Variants in PIK3CB observed in about 807,000 individuals in gnomAD.
PIK3CB encodes the protein phosphatidylinositol 4,5-bisphosphate 3-kinase catalytic subunit beta isoform.
In PIK3CB, 39 loss-of-function variants were observed where a neutral mutation model predicts 136.8. That is an observed-to-expected ratio of 0.29 (90% CI 0.22 to 0.37). The LOEUF is 0.37. PIK3CB is among the 10% of genes least tolerant of loss of function. The probability of loss-of-function intolerance (pLI) is 1.00; values close to 1 mark genes in which losing one functional copy is unlikely to be tolerated. For synonymous variants in PIK3CB, 428 were observed against 436.6 expected (o/e 0.98, Z 0.25); for missense variants, 868 against 1,275.4 (o/e 0.68, Z 4.87).
At chr3:138,810,521 T>A (rs965414374) in intron 1 of PIK3CB, among the ~76,000 whole-genome samples, 1 of 151,414 alleles carries the variant, frequency 6.6e-6, no homozygotes, top group African/African-American at 2.4e-5. Flanking sequence ...AACCCGTAAT[T>A]CCAGTCTAAT....
chr3:138,713,345 A>C (rs2044543210), intron 9 of PIK3CB, among the ~76,000 whole-genome samples: 1 of 151,484 alleles, frequency 6.6e-6, no homozygotes, highest in Admixed American at 6.6e-5. Context: ...ATATGATGAT[A>C]ACCAGAGGAG....
chr3:138,680,951 G>A (rs1265309246), intron 19 of PIK3CB, among the ~76,000 whole-genome samples: 1 of 151,886 alleles, frequency 6.6e-6, no homozygotes, highest in Non-Finnish European at 1.5e-5. Context: ...GCCTCCCAAA[G>A]GGCTAGGATT....
chr3:138,669,815 T>C (rs940461019), intron 19 of PIK3CB, among the ~76,000 whole-genome samples: 1 of 152,170 alleles, frequency 6.6e-6, no homozygotes, highest in Non-Finnish European at 1.5e-5. Flanking sequence ...AGATTTGGGA[T>C]TGACCTTAAA....
intron 1 of PIK3CB, among the ~76,000 whole-genome samples, chr3:138,831,607 A>G (rs142352815): frequency 1.3e-5 from 2 of 150,178 alleles, no homozygotes; most frequent in African/African-American, 4.9e-5. Flanking sequence ...ATAAATAAAA[A>G]CAAAATAAAA....
At chr3:138,664,589 C>T (rs960538737) in intron 20 of PIK3CB, among the ~76,000 whole-genome samples, 1 of 152,102 alleles carries the variant, frequency 6.6e-6, no homozygotes, top group Non-Finnish European at 1.5e-5. Context: ...AGACCATTTC[C>T]CCCTCACACT....
At chr3:138,831,152 T>C (rs1296554399) in intron 1 of PIK3CB, among the ~76,000 whole-genome samples, 5 of 147,688 alleles carry the variant, frequency 3.4e-5, no homozygotes, top group Non-Finnish European at 7.5e-5. Context: ...CCAGGCGTGG[T>C]GGCGGGCACC....
At chr3:138,672,779 G>A (rs2043560457) in intron 19 of PIK3CB, among the ~76,000 whole-genome samples, 1 of 152,058 alleles carries the variant, frequency 6.6e-6, no homozygotes, top group South Asian at 2.1e-4. Context: ...GGGCGTGGTG[G>A]TGGGTTCCTG....
In PIK3CB at chr3:138,721,782, C is replaced by A. The variant is rs558456860; in HGVS notation, c.1051-7063G>T. ...CTGTCAATATTGTATTTTATGTCTACCTAGTGAAAGACATTATAAGAGAGA... is the reference window on the plus strand; with the variant it reads ...CTGTCAATATTGTATTTTATGTCTAACTAGTGAAAGACATTATAAGAGAGA... On this transcript the variant is annotated intron_variant, in intron 8 of 23. Transcript: ENST00000674063. Among the ~76,000 whole-genome samples the A allele has an allele frequency of 2.6e-5, 4 of 152,162 alleles. No individual in the cohort carries two copies. The East Asian group carries it at 7.7e-4, about 29-fold the overall frequency.
At chr3:138,693,962 TATATTA>T (rs1368151234) in intron 14 of PIK3CB, among the ~76,000 whole-genome samples, 910 of 35,148 alleles carry the variant, frequency 0.026, 18 homozygotes, top group African/African-American at 0.14. Flanking sequence ...TATATATATA[TATATTA>T]TATATATATA....
intron 1 of PIK3CB, among the ~76,000 whole-genome samples, chr3:138,829,451 G>A (rs1363208780): frequency 6.6e-6 from 1 of 152,042 alleles, no homozygotes. Flanking sequence ...CTGGGGTAGT[G>A]GAAATGAAAA....
intron 21 of PIK3CB, among the ~76,000 whole-genome samples, chr3:138,658,054 G>C (rs973352135): frequency 6.6e-6 from 1 of 152,066 alleles, no homozygotes; most frequent in Non-Finnish European, 1.5e-5. Context: ...TTAAACTGTA[G>C]ATATCTAGTG....
Position 138,663,930 on chromosome 3 carries a change from G to A in PIK3CB, c.2772C>T (p.Asn924=). The change falls in exon 21 of 24, where the codon AAC becomes AAT. Residue 924 remains asparagine (N), a synonymous_variant. Coordinates refer to ENST00000674063, the MANE Select transcript of PIK3CB (RefSeq NM_006219.3). Reference sequence around the variant, plus strand: ...CCTGGCCAGTTTTTTTGACCATGATGTTGTCACTATGTCTGTCACCAATCC... The same window carrying A: ...CCTGGCCAGTTTTTTTGACCATGATATTGTCACTATGTCTGTCACCAATCC... The part of the protein sequence containing the change: ...VLGIGDRHSD[N]IMVKKTGQLF... 2 of 1,613,970 alleles carry A rather than the reference G, an allele frequency of 1.2e-6. No individual in the cohort carries two copies. Among genetic ancestry groups the A allele is most frequent in the Non-Finnish European group, 1.7e-6 (2 of 1,179,956 alleles).
intron 2 of PIK3CB, among the ~76,000 whole-genome samples, chr3:138,767,898 G>T (rs2045754570): frequency 1.3e-5 from 2 of 152,220 alleles, no homozygotes; most frequent in Non-Finnish European, 2.9e-5. Context: ...TCCCCAAAGG[G>T]CTACAGCTCT....
chr3:138,679,487 T>A (rs2043718365), intron 19 of PIK3CB, among the ~76,000 whole-genome samples: 2 of 152,086 alleles, frequency 1.3e-5, no homozygotes, highest in Admixed American at 6.6e-5. Context: ...CAGGAGTCAA[T>A]AAGATAAAAA....
intron 5 of PIK3CB, among the ~76,000 whole-genome samples, chr3:138,739,542 T>A (rs943259045): frequency 6.6e-6 from 1 of 151,082 alleles, no homozygotes; most frequent in Non-Finnish European, 1.5e-5. Flanking sequence ...CAGGTACGTA[T>A]GGACCAGGAA....
intron 4 of PIK3CB, among the ~76,000 whole-genome samples, chr3:138,753,356 A>G (rs1235617057): frequency 6.6e-6 from 1 of 151,988 alleles, no homozygotes; most frequent in Non-Finnish European, 1.5e-5. Context: ...CCCTGTCTCT[A>G]ATAAAAATAC....
chr3:138,792,953 T>C (rs1178502628), intron 2 of PIK3CB, among the ~76,000 whole-genome samples: 1 of 152,134 alleles, frequency 6.6e-6, no homozygotes, highest in Non-Finnish European at 1.5e-5. Context: ...AAGTGTAGGA[T>C]TTCTTATCTT....
chr3:138,707,113 C>T (rs543677437), intron 11 of PIK3CB, 46 bp downstream of exon 11: 1 of 1,102,542 alleles, frequency 9.1e-7, no homozygotes. Context: ...AGGAACTGAT[C>T]ATTCAATCAT....
At position 138,673,447 on chromosome 3, in the gene PIK3CB, G is replaced by A. The variant is rs575784385; in HGVS notation, c.2505-8244C>T. Among the ~76,000 whole-genome samples, 78 of 152,216 alleles carry A rather than the reference G, an allele frequency of 5.1e-4. 1 individual carries two copies. The South Asian group carries it at 0.014, about 28-fold the overall frequency. On this transcript the variant is annotated intron_variant, in intron 19 of 23. Transcript: ENST00000674063. ...CTTACAAAGAACCGATAACCAGACCGAGAACAGACTTTTTAAAAACCGAGA... is the reference window on the plus strand; with the variant it reads ...CTTACAAAGAACCGATAACCAGACCAAGAACAGACTTTTTAAAAACCGAGA...
Sources: gnomAD v4.1 joint callset for allele counts (sites outside exome capture counted in the v4.1 genomes callset) on GRCh38, gnomAD v4.1.1 for gene constraint, MANE v1.5 for transcripts, NCBI Gene and HGNC (gene_info 2026-07-23, HGNC 2026-07-21) for gene names.